Variants in KIAA2013 observed in about 807,000 individuals in gnomAD.
KIAA2013 encodes KIAA2013.
In KIAA2013, 20 loss-of-function variants were observed where a neutral mutation model predicts 39.9. The observed-to-expected ratio is 0.50, with a 90% CI of 0.35 to 0.73. The LOEUF is 0.73. Ranked by LOEUF, KIAA2013 falls within the 30% of genes least tolerant of loss-of-function variation. KIAA2013 has a pLI of 0.01. For missense variants in KIAA2013, 587 were observed against 856.1 expected (o/e 0.69, Z 3.92); for synonymous variants, 336 against 416.6 (o/e 0.81, Z 2.35).
At chr1:11,924,140 T>G (rs78223702) in intron 1 of KIAA2013, among the ~76,000 whole-genome samples, 142 of 152,028 alleles carry the variant, frequency 9.3e-4, no homozygotes, top group Non-Finnish European at 1.8e-3. Flanking sequence ...TTTAAAAACA[T>G]ACACACACAC....
At chr1:11,921,229 T>C (rs1346772201) in intron 2 of KIAA2013, among the ~76,000 whole-genome samples, 1 of 152,132 alleles carries the variant, frequency 6.6e-6, no homozygotes, top group Non-Finnish European at 1.5e-5. Flanking sequence ...CAGGGCACAG[T>C]AGGCAGCCTC....
rs1645504459 is a variant in KIAA2013, at chr1:11,925,934, C to T, written c.304G>A (p.Val102Met). Residue 102 changes from valine to methionine, a missense_variant, in exon 1 of 3, where the codon GTG (valine) becomes ATG (methionine). Val to Met is a conservative substitution (Grantham distance 21). Transcript: ENST00000376572. This position sits in a 1 kb window ranked among gnomAD's most constrained non-coding sequence, Gnocchi z 5.2. ...GTCACCCACAGCCGATTGGCAGCCA[C>T]GTCCAGGGCCAGGAAGCCGTTGGCC... ...LVANGFLALD[V>M]AANRLWVTPG... The T allele has an allele frequency of 2.6e-6, 4 of 1,533,838 alleles. No individual in the cohort carries two copies. The highest frequency in any genetic ancestry group is 2.5e-5 in the East Asian group (1 of 39,998).
chr1:11,921,078 G>C (rs1424552238), intron 2 of KIAA2013, among the ~76,000 whole-genome samples: 1 of 140,756 alleles, frequency 7.1e-6, no homozygotes, highest in South Asian at 2.2e-4. Flanking sequence ...TAGAGGGGAG[G>C]AGACGGGATA....
chr1:11,921,130 GAAACA>G (rs1046388461), intron 2 of KIAA2013, among the ~76,000 whole-genome samples: 2 of 152,116 alleles, frequency 1.3e-5, no homozygotes, highest in Non-Finnish European at 2.9e-5. Flanking sequence ...AGCTCTTTGG[GAAACA>G]TTTTCTTCTA....
In KIAA2013 at chr1:11,923,413, G is replaced by C. The variant is rs1463253974; in HGVS notation, c.1110C>G (p.Leu370=). The change falls in exon 2 of 3, where the codon CTC becomes CTG. Residue 370 remains leucine, a synonymous_variant. Coordinates refer to ENST00000376572, the MANE Select transcript of KIAA2013 (RefSeq NM_138346.3). The surrounding 1 kb of genome is among the most constrained non-coding windows in gnomAD (Gnocchi z 4.6). ...TGAGCAGTGGGGCTGGCGAGCAGGA[G>C]AGCATGTAATAGAGCGTCAGGTTCA... ...LTVNLTLYYM[L]SCSPAPLLSP... is the part of the protein sequence containing the mutation. 2.5e-6 allele frequency: 4 copies of C among 1,612,346 alleles called. No homozygotes were observed. Among genetic ancestry groups the C allele is most frequent in the Admixed American group, 1.7e-5 (1 of 60,000 alleles).
In KIAA2013 at chr1:11,922,776, T is replaced by C. The variant is rs943435580; in HGVS notation, c.1747A>G (p.Met583Val). ...GGCAGCCCGGGGTCCTGCTGGGCCATGTGCTCATCATGGGCCAGGATGGCC... is the reference window on the plus strand; with the variant it reads ...GGCAGCCCGGGGTCCTGCTGGGCCACGTGCTCATCATGGGCCAGGATGGCC... Reference protein sequence around the residue: ...LKAILAHDEHMAQQDPGLPFL... With the variant: ...LKAILAHDEHVAQQDPGLPFL... Residue 583 changes from methionine (M) to valine (V), a missense_variant, in exon 2 of 3, where the codon ATG (methionine) becomes GTG (valine). Coordinates refer to ENST00000376572, the MANE Select transcript of KIAA2013 (RefSeq NM_138346.3). 4.3e-6 allele frequency: 7 copies of C among 1,613,844 alleles called. No individual in the cohort carries two copies. In the African/African-American group the frequency reaches 6.7e-5, roughly 15 times the overall value.
In KIAA2013 at chr1:11,926,123, C is replaced by T. The variant is rs1287859447; in HGVS notation, c.115G>A (p.Gly39Ser). 7.1e-7 allele frequency: 1 copy of T among 1,406,350 alleles called. No individual in the cohort carries two copies. Among genetic ancestry groups the T allele is most frequent in the Admixed American group, 2.5e-5 (1 of 39,996 alleles). The allele number at this position is 1,406,350 out of a possible 1,614,324, so 87.1% of individuals were successfully genotyped here. The change falls in exon 1 of 3, where the codon GGC becomes AGC. Residue 39 changes from glycine (G) to serine (S), a missense_variant. By Grantham distance (56) the Gly-to-Ser change is moderately conservative (BLOSUM62 0). Transcript: ENST00000376572. Reference protein sequence around the residue: ...LLLLLWFGGSGARRAAGGLHL... With the variant: ...LLLLLWFGGSSARRAAGGLHL... ...AGGCCGCCCGCCGCCCGCCGCGCGC[C>T]GGACCCCCCAAACCACAGAAGCAGC...
intron 2 of KIAA2013, chr1:11,922,193 GTTTT>G: frequency 6.9e-6 from 1 of 144,634 alleles, no homozygotes; most frequent in East Asian, 1.3e-4. Flanking sequence ...TTGCTTTTTT[GTTTT>G]TTGCTTTTTT....
Position 11,923,428 on chromosome 1 carries a change from C to T in KIAA2013, c.1095G>A (p.Thr365=), listed in dbSNP as rs149479065. 4.0e-5 allele frequency: 64 copies of T among 1,611,678 alleles called. 1 individual carries two copies. The African/African-American group carries it at 4.1e-4, about 10-fold the overall frequency. ...GCGAGCAGGAGAGCATGTAATAGAG[C>T]GTCAGGTTCACGGTGAGGCCAGACG... The part of the protein sequence containing the change: ...HTPSGLTVNL[T]LYYMLSCSPA... The change falls in exon 2 of 3, where the codon ACG becomes ACA. Residue 365 remains threonine, a synonymous_variant. Coordinates refer to ENST00000376572, the MANE Select transcript of KIAA2013 (RefSeq NM_138346.3). This position sits in a 1 kb window ranked among gnomAD's most constrained non-coding sequence, Gnocchi z 4.6.
intron 2 of KIAA2013, among the ~76,000 whole-genome samples, chr1:11,921,465 C>A (rs1176645818): frequency 2.0e-5 from 3 of 152,154 alleles, no homozygotes; most frequent in African/African-American, 7.2e-5. Flanking sequence ...AGCTGGGGAT[C>A]CCGCCAGCAG....
At chr1:11,922,431 A>G (rs1316131667) in intron 2 of KIAA2013, 56 of 1,457,780 alleles carry the variant, frequency 3.8e-5, no homozygotes, top group South Asian at 2.8e-4. Flanking sequence ...AAGACCATCA[A>G]TTCACACCTG....
intron 2 of KIAA2013, among the ~76,000 whole-genome samples, chr1:11,921,916 C>A (rs1003746327): frequency 2.0e-5 from 3 of 152,050 alleles, no homozygotes; most frequent in Non-Finnish European, 4.4e-5. Flanking sequence ...GGTGTAATCA[C>A]AGCTCACTGC....
rs1466240138 is a variant in KIAA2013 at position 11,925,339 on chromosome 1, A to T, written c.899T>A (p.Leu300His). The change falls in exon 1 of 3, where the codon CTC becomes CAC. Residue 300 changes from leucine to histidine, a missense_variant. By Grantham distance (99) the Leu-to-His change is moderately conservative. Transcript: ENST00000376572. The surrounding 1 kb of genome is among the most constrained non-coding windows in gnomAD (Gnocchi z 5.2). ...HVSGPINPQVLKSKAAKELKA... is the reference protein window; with the variant it reads ...HVSGPINPQVHKSKAAKELKA... ...GAGCTCCTTGGCTGCTTTGCTTTTGAGCACCTGGGGGTTAATGGGGCCAGA... is the reference window on the plus strand; with the variant it reads ...GAGCTCCTTGGCTGCTTTGCTTTTGTGCACCTGGGGGTTAATGGGGCCAGA... 1.9e-6 allele frequency: 3 copies of T among 1,577,930 alleles called. No individual in the cohort carries two copies. The highest frequency in any genetic ancestry group is 2.6e-6 in the Non-Finnish European group (3 of 1,148,766).
In KIAA2013 at chr1:11,925,626, C is replaced by G; in HGVS notation, c.612G>C (p.Gln204His). ...CCGTGGGGTTGTTGAGCTGGATGCG[C>G]TGCAGGTAGACGTGGGGTCGGCCCC... ...AHRGRPHVYLQRIQLNNPTER... is the reference protein window; with the variant it reads ...AHRGRPHVYLHRIQLNNPTER... The change falls in exon 1 of 3, where the codon CAG becomes CAC. Residue 204 changes from glutamine to histidine, a missense_variant. Gln to His is a conservative substitution (Grantham distance 24, BLOSUM62 0). Coordinates refer to ENST00000376572, the MANE Select transcript of KIAA2013 (RefSeq NM_138346.3). The surrounding 1 kb of genome is among the most constrained non-coding windows in gnomAD (Gnocchi z 5.2). 1 of 1,609,548 alleles carries G rather than the reference C, an allele frequency of 6.2e-7. No individual in the cohort carries two copies. Among genetic ancestry groups the G allele is most frequent in the Non-Finnish European group, 8.5e-7 (1 of 1,179,342 alleles).
chr1:11,920,853 C>T (rs1645470537), intron 2 of KIAA2013, among the ~76,000 whole-genome samples: 1 of 152,222 alleles, frequency 6.6e-6, no homozygotes, highest in South Asian at 2.1e-4. Flanking sequence ...AGTTCTGCTT[C>T]CTTTTCCAAG....
At position 11,925,416 on chromosome 1, in the gene KIAA2013, T is replaced by C. The variant is rs1340744610; in HGVS notation, c.822A>G (p.Gln274=). 2 of 1,613,342 alleles carry C rather than the reference T, an allele frequency of 1.2e-6. No individual in the cohort carries two copies. The highest frequency in any genetic ancestry group is 1.7e-6 in the Non-Finnish European group (2 of 1,179,738). The change falls in exon 1 of 3, where the codon CAA becomes CAG. Residue 274 remains glutamine, a synonymous_variant. Transcript: ENST00000376572. This position sits in a 1 kb window ranked among gnomAD's most constrained non-coding sequence, Gnocchi z 5.2. ...CATCCAGCTGCGTCTTGGGAGCCAC[T>C]TGGAGGCGGTTCACCAGCTTCTTGG... The part of the protein sequence containing the change: ...VAAKKLVNRL[Q]VAPKTQLDET...
intron 1 of KIAA2013, among the ~76,000 whole-genome samples, chr1:11,924,289 G>T (rs1375983555): frequency 1.4e-5 from 2 of 143,586 alleles, no homozygotes; most frequent in Admixed American, 6.9e-5. Context: ...ACAAGGTTTC[G>T]CCACGTTGGC....
rs1220691473 is a variant in KIAA2013, at chr1:11,925,695, G to A, written c.543C>T (p.Ser181=). The change falls in exon 1 of 3, where the codon TCC becomes TCT. Residue 181 remains serine (S), a synonymous_variant. Transcript: ENST00000376572. This position sits in a 1 kb window ranked among gnomAD's most constrained non-coding sequence, Gnocchi z 5.2. ...PASVSGLAAG[S]GRDCVLLQED... ...CTTGCAGCAGCACGCAGTCGCGGCC[G>A]GACCCCGCGGCAAGGCCAGAGACGG... 6 of 1,591,318 alleles carry A rather than the reference G, an allele frequency of 3.8e-6. No individual in the cohort carries two copies. Among genetic ancestry groups the A allele is most frequent in the Non-Finnish European group, 5.1e-6 (6 of 1,173,342 alleles).
chr1:11,920,231 A>G lies in KIAA2013; in HGVS notation c.*84T>C. The G allele has an allele frequency of 1.3e-6, 2 of 1,493,824 alleles. No homozygotes were observed. The highest frequency in any genetic ancestry group is 1.9e-6 in the Non-Finnish European group (2 of 1,070,798). 92.5% of individuals were successfully genotyped at this position (1,493,824 alleles called of 1,614,324 possible). A position where few individuals can be genotyped will look rare whatever the true frequency, so the allele number is the denominator to read the frequency against. On this transcript the variant is annotated 3_prime_UTR_variant, in exon 3 of 3. Transcript: ENST00000376572. ...AAGGCACAAAGGGCGGGTGCTTCCAAAGGATCCCTTGCTCCTGGCAGCGGG... is the reference window on the plus strand; with the variant it reads ...AAGGCACAAAGGGCGGGTGCTTCCAGAGGATCCCTTGCTCCTGGCAGCGGG...
Sources: gnomAD v4.1 joint callset for allele counts (sites outside exome capture counted in the v4.1 genomes callset) on GRCh38, gnomAD v4.1.1 for gene constraint, Gnocchi (gnomAD v3.1) non-coding constraint, MANE v1.5 for transcripts, NCBI Gene and HGNC (gene_info 2026-07-23, HGNC 2026-07-21) for gene names.